Variants in KLK7 observed in about 807,000 individuals in gnomAD.
KLK7 encodes kallikrein related peptidase 7, also known as kallikrein-7.
In KLK7, 17 loss-of-function variants were observed where a neutral mutation model predicts 21.0. The ratio of observed to expected loss-of-function variants is 0.81; its 90% CI spans 0.55 to 1.21. The LOEUF is 1.21. KLK7 is among the 50% of genes most tolerant of loss of function. The pLI, the probability that KLK7 is intolerant of heterozygous loss-of-function variation, is 0.00. For missense variants in KLK7, 330 were observed against 322.8 expected (o/e 1.02, Z -0.17); for synonymous variants, 151 against 134.6 (o/e 1.12, Z -0.85).
rs1192659074 is a variant in KLK7 at position 50,979,171 on chromosome 19, G to A, written c.606+617C>T. Among the ~76,000 whole-genome samples, 4 of 152,120 alleles carry A rather than the reference G, an allele frequency of 2.6e-5. 1 individual carries two copies. Among genetic ancestry groups the A allele is most frequent in the Non-Finnish European group, 4.4e-5 (3 of 68,010 alleles). ...AAAGAGTGTTTTCCCCGGGACCAGG[G>A]CCAGGGTCAGGTGAGTGAGTCATCA... On this transcript the variant is annotated intron_variant, in intron 5 of 5. Transcript: ENST00000595820.
chr19:50,979,897 A>G lies in KLK7; in HGVS notation c.497T>C (p.Val166Ala), dbSNP rs958833274. The change falls in exon 5 of 6, where the codon GTG becomes GCG. Residue 166 changes from valine to alanine, a missense_variant. Physicochemically the swap from Val to Ala is moderately conservative, Grantham distance 64 (BLOSUM62 0). Coordinates refer to ENST00000595820, the MANE Select transcript of KLK7 (RefSeq NM_005046.4). ...DVTFPSDLMC[V>A]DVKLISPQDC... ...CTGGGGGGAGATGAGCTTGACATCC[A>G]CGCACATGAGGTCAGAGGGAAAGGT... 5 of 1,595,142 alleles carry G rather than the reference A, an allele frequency of 3.1e-6. No individual in the cohort carries two copies. The highest frequency in any genetic ancestry group is 4.3e-6 in the Non-Finnish European group (5 of 1,170,826).
rs370360473 is a variant in KLK7, at chr19:50,981,946, G to A, written c.74-32C>T. The A allele has an allele frequency of 1.7e-5, 28 of 1,608,798 alleles. No homozygotes were observed. The African/African-American group carries it at 3.7e-4, about 21-fold the overall frequency. On this transcript the variant is annotated intron_variant, in intron 2 of 5. Transcript: ENST00000595820. ...GGAGACATGGAGGAGCACGTGGGTA[G>A]CTAGCATTAGGGGAAGGCTGAGGCT...
chr19:50,983,758 G>A, intron 1 of KLK7, 93 bp downstream of exon 1: 1 of 1,263,702 alleles, frequency 7.9e-7, no homozygotes, highest in Non-Finnish European at 1.0e-6. Context: ...GGGAGTCTAG[G>A]CTGCAGCCCC....
Position 50,982,545 on chromosome 19 carries a change from GTCC to G in KLK7, c.-58-91_-58-89del, listed in dbSNP as rs1271307023. The G allele has an allele frequency of 1.1e-4, 34 of 305,220 alleles. No individual in the cohort carries two copies. The East Asian group carries it at 3.0e-3, about 27-fold the overall frequency. The allele number at this position is 305,220 out of a possible 1,614,324, so 18.9% of individuals were successfully genotyped here. Reference sequence around the variant, plus strand: ...AGCCCCTCCCCCCACAGACCCAGGAGTCCAGGCCCCAGCCCCTCCTCCCTCAGA... The same window carrying G: ...AGCCCCTCCCCCCACAGACCCAGGAGAGGCCCCAGCCCCTCCTCCCTCAGA... On this transcript the variant is annotated intron_variant, in intron 1 of 5. Coordinates refer to ENST00000595820, the MANE Select transcript of KLK7 (RefSeq NM_005046.4).
upstream of KLK7, chr19:50,984,040 G>T: frequency 3.0e-6 from 2 of 657,542 alleles, no homozygotes; most frequent in Non-Finnish European, 4.7e-6. Flanking sequence ...TGGTTATCTG[G>T]AACCCTGACG....
chr19:50,980,096 G>GAGGCCTGGACTCCTGGGTCTGAGGGAGGA (rs2091065527), intron 4 of KLK7, 144 bp downstream of exon 4: 1 of 1,175,142 alleles, frequency 8.5e-7, no homozygotes, highest in Non-Finnish European at 1.2e-6. Context: ...AGGAGGGGCT[G>GAGGCCTGGACTCCTGGGTCTGAGGGAGGA]GGGGCCTGGA....
chr19:50,982,449 C>T lies in KLK7; in HGVS notation c.-50G>A, dbSNP rs1288816083. On this transcript the variant is annotated 5_prime_UTR_variant, in exon 2 of 6. Coordinates refer to ENST00000595820, the MANE Select transcript of KLK7 (RefSeq NM_005046.4). ...GCTGCCAGGCGAGGAAGGGCCTCTC[C>T]TGCTGGAGCTGAGAAGGAGAAAGCA... 2.6e-6 allele frequency: 4 copies of T among 1,566,122 alleles called. No individual in the cohort carries two copies. The South Asian group carries it at 4.7e-5, about 18-fold the overall frequency.
intron 5 of KLK7, among the ~76,000 whole-genome samples, chr19:50,978,695 AAG>A (rs1024379433): frequency 7.0e-6 from 1 of 143,180 alleles, no homozygotes; most frequent in Non-Finnish European, 1.5e-5. Context: ...GAGGAGAATA[AAG>A]AGAGAGAAAG....
rs2091043942 is a variant in KLK7 at position 50,977,088 on chromosome 19, T to C, written c.*448A>G. 1 of 155,066 alleles carries C rather than the reference T, an allele frequency of 6.4e-6. No individual in the cohort carries two copies. The highest frequency in any genetic ancestry group is 1.4e-5 in the Non-Finnish European group (1 of 69,966). The allele number at this position is 155,066 out of a possible 1,614,324, so 9.6% of individuals were successfully genotyped here. On this transcript the variant is annotated 3_prime_UTR_variant, in exon 6 of 6. Coordinates refer to ENST00000595820, the MANE Select transcript of KLK7 (RefSeq NM_005046.4). ...CCAAGCCAGACTATTATTTAAGCCA[T>C]CTGGTACTTTTGGAACATGTTTGAT...
chr19:50,977,420 GGT>G lies in KLK7; in HGVS notation c.*114_*115del. On this transcript the variant is annotated 3_prime_UTR_variant, in exon 6 of 6. Coordinates refer to ENST00000595820, the MANE Select transcript of KLK7 (RefSeq NM_005046.4). Reference sequence around the variant, plus strand: ...TGGTTTATCAACAGGGCATGAGGTTGGTTTAAATATATCTTTGAGGAAAGGTA... The same window carrying G: ...TGGTTTATCAACAGGGCATGAGGTTGTTAAATATATCTTTGAGGAAAGGTA... 1.4e-6 allele frequency: 1 copy of G among 707,942 alleles called. No individual in the cohort carries two copies. The highest frequency in any genetic ancestry group is 2.9e-5 in the Admixed American group (1 of 33,984). 43.9% of individuals were successfully genotyped at this position (707,942 alleles called of 1,614,324 possible).
In KLK7 at chr19:50,981,817, G is replaced by A. The variant is rs200708326; in HGVS notation, c.171C>T (p.Gly57=). The change falls in exon 3 of 6, where the codon GGC becomes GGT. Residue 57 remains glycine, a synonymous_variant. Coordinates refer to ENST00000595820, the MANE Select transcript of KLK7 (RefSeq NM_005046.4). ...GCACCCAGCGCTCATTGACCAGGACGCCTCCGCAGTGGAGCTGATTGCCAC... is the reference window on the plus strand; with the variant it reads ...GCACCCAGCGCTCATTGACCAGGACACCTCCGCAGTGGAGCTGATTGCCAC... The part of the protein sequence containing the change: ...LLSGNQLHCG[G]VLVNERWVLT... 38 of 1,601,944 alleles carry A rather than the reference G, an allele frequency of 2.4e-5. No individual in the cohort carries two copies. Among genetic ancestry groups the A allele is most frequent in the African/African-American group, 2.1e-4 (16 of 75,004 alleles).
At chr19:50,982,817 C>G (rs1486273039) in intron 1 of KLK7, among the ~76,000 whole-genome samples, 2 of 136,916 alleles carry the variant, frequency 1.5e-5, no homozygotes, top group Non-Finnish European at 1.6e-5. Context: ...AGGCCCCCAG[C>G]TCCTCCTCCC....
intron 5 of KLK7, among the ~76,000 whole-genome samples, chr19:50,978,649 T>C (rs1007571786): frequency 1.7e-4 from 1 of 5,998 alleles, no homozygotes; most frequent in Non-Finnish European, 3.2e-4. Flanking sequence ...AGAGATGGGG[T>C]GGGGGTGGGG....
chr19:50,977,766 A>T, intron 5 of KLK7, 75 bp from the exon 6 acceptor site: 1 of 1,475,020 alleles, frequency 6.8e-7, no homozygotes, highest in Non-Finnish European at 9.4e-7. Context: ...TTCCTCAGTT[A>T]TCGGTCTTTG....
In KLK7 at chr19:50,982,362, A is replaced by T; in HGVS notation, c.38T>A (p.Leu13Gln). The T allele has an allele frequency of 6.2e-7, 1 of 1,611,336 alleles. No homozygotes were observed. The highest frequency in any genetic ancestry group is 1.1e-5 in the South Asian group (1 of 90,208). The change falls in exon 2 of 6, where the codon CTG becomes CAG. Residue 13 changes from leucine to glutamine, a missense_variant. Physicochemically the swap from Leu to Gln is moderately radical, Grantham distance 113. Transcript: ENST00000595820. The stretch of plus-strand genomic sequence containing the variant: ...TGCAGTTTCCAAGGCTAAGGATAGC[A>T]GTAAGATCTGCAGGGGCAGGAGAAG... ...RSLLLPLQIL[L>Q]LSLALETAGE... is the part of the protein sequence containing the mutation.
chr19:50,981,436 AGAGGG>A (rs2091086764), intron 3 of KLK7, among the ~76,000 whole-genome samples: 1 of 97,980 alleles, frequency 1.0e-5, no homozygotes, highest in African/African-American at 4.1e-5. Flanking sequence ...ATCCAGAGAG[AGAGGG>A]GGACAGAGAC....
rs573258861 is a variant in KLK7, at chr19:50,980,590, G to T, written c.222-103C>A. ...GGGACAGAGACCCAGAGAGAGGAGGGGGGACAGAGACACAGAGAGAGGAGG... is the reference window on the plus strand; with the variant it reads ...GGGACAGAGACCCAGAGAGAGGAGGTGGGACAGAGACACAGAGAGAGGAGG... On this transcript the variant is annotated intron_variant, in intron 3 of 5. Transcript: ENST00000595820. 9.0e-4 allele frequency: 1,254 copies of T among 1,399,388 alleles called. 5 individuals are homozygous for T. Among genetic ancestry groups the T allele is most frequent in the Non-Finnish European group, 1.1e-3 (1,144 of 1,013,826 alleles). 86.7% of individuals were successfully genotyped at this position (1,399,388 alleles called of 1,614,324 possible).
At chr19:50,982,145 G>T in intron 2 of KLK7, 182 bp downstream of exon 2, 3 of 890,110 alleles carry the variant, frequency 3.4e-6, no homozygotes, top group South Asian at 1.7e-5. Context: ...AGGAGGCAGG[G>T]CCTGGAGGGG....
intron 5 of KLK7, among the ~76,000 whole-genome samples, chr19:50,978,663 GGA>G (rs1369651627): frequency 1.4e-4 from 21 of 144,920 alleles, no homozygotes; most frequent in Non-Finnish European, 2.7e-4. Context: ...GGTGGGGAGA[GGA>G]GAGAGAGACT....
Sources: gnomAD v4.1 joint callset for allele counts (sites outside exome capture counted in the v4.1 genomes callset) on GRCh38, gnomAD v4.1.1 for gene constraint, MANE v1.5 for transcripts, NCBI Gene and HGNC (gene_info 2026-07-23, HGNC 2026-07-21) for gene names.